The following DLG2 variants were observed in gnomAD, a reference collection of about 807,000 sequenced individuals.
DLG2 encodes disks large homolog 2.
In DLG2, 45 loss-of-function variants were observed where a neutral mutation model predicts 132.5. The observed-to-expected ratio is 0.34, with a 90% CI of 0.27 to 0.44. The LOEUF (loss-of-function observed/expected upper bound fraction) is 0.44. Ranked by LOEUF, DLG2 falls within the 20% of genes least tolerant of loss-of-function variation. DLG2 has a pLI of 1.00. For synonymous variants in DLG2, 424 were observed against 419.6 expected, an observed-to-expected ratio of 1.01 and a Z score of -0.13; for missense variants, 1,045 against 1,196.9, an observed-to-expected ratio of 0.87 and a Z score of 1.87.
intron 7 of DLG2, among the ~76,000 whole-genome samples, chr11:84,375,831 C>A (rs2098726899): frequency 1.3e-5 from 2 of 152,018 alleles, no homozygotes; most frequent in Non-Finnish European, 2.9e-5. Flanking sequence ...ATCATACATA[C>A]TTTGTAAGCA....
intron 6 of DLG2, among the ~76,000 whole-genome samples, chr11:84,580,992 C>A (rs2099515022): frequency 6.6e-6 from 1 of 152,122 alleles, no homozygotes; most frequent in African/African-American, 2.4e-5. Context: ...GTGCTAACAC[C>A]AGTTAATGAA....
In DLG2 at chr11:84,349,393, C is replaced by G. The variant is rs373848050; in HGVS notation, c.520-98102G>C. Among the ~76,000 whole-genome samples the G allele has an allele frequency of 1.9e-4, 29 of 152,180 alleles. No homozygotes were observed. In the East Asian group the frequency reaches 3.3e-3, roughly 17 times the overall value. ...ATGAAGTTCTGCAACTTTGTAAGGTCTGGGGTTTGAAAATGGCATCCTTTC... is the reference window on the plus strand; with the variant it reads ...ATGAAGTTCTGCAACTTTGTAAGGTGTGGGGTTTGAAAATGGCATCCTTTC... On this transcript the variant is annotated intron_variant, in intron 7 of 27. Coordinates refer to ENST00000376104, the MANE Select transcript of DLG2 (RefSeq NM_001142699.3).
intron 6 of DLG2, among the ~76,000 whole-genome samples, chr11:85,079,387 C>T (rs540167934): frequency 1.3e-5 from 2 of 152,096 alleles, no homozygotes; most frequent in South Asian, 2.1e-4. Flanking sequence ...TGTGGACAAC[C>T]CATTCCCATC....
chr11:85,334,726 G>A (rs938712297), intron 3 of DLG2, among the ~76,000 whole-genome samples: 12 of 151,938 alleles, frequency 7.9e-5, no homozygotes, highest in African/African-American at 4.8e-5. Context: ...CCATATAATT[G>A]TATTGTTTTG....
At chr11:84,037,786 T>C (rs1158705861) in intron 11 of DLG2, among the ~76,000 whole-genome samples, 1 of 152,122 alleles carries the variant, frequency 6.6e-6, no homozygotes, top group Non-Finnish European at 1.5e-5. Context: ...TCTCCATGCA[T>C]TTTTAACATT....
intron 18 of DLG2, among the ~76,000 whole-genome samples, chr11:83,738,035 G>A (rs1433783911): frequency 6.6e-6 from 1 of 152,160 alleles, no homozygotes; most frequent in Non-Finnish European, 1.5e-5. Context: ...ATTAAGAGAT[G>A]AGAGGATGGC....
At chr11:84,795,416 G>A (rs1304336270) in intron 6 of DLG2, among the ~76,000 whole-genome samples, 3 of 151,496 alleles carry the variant, frequency 2.0e-5, no homozygotes, top group African/African-American at 7.3e-5. Flanking sequence ...GTCTGTGGAG[G>A]GGAGCTACCC....
chr11:85,378,635 G>T (rs2152927316), intron 3 of DLG2, among the ~76,000 whole-genome samples: 1 of 152,080 alleles, frequency 6.6e-6, no homozygotes, highest in East Asian at 1.9e-4. Flanking sequence ...TTTTATACAA[G>T]AAAAACTACT....
At chr11:84,308,027 T>C (rs1050118147) in intron 7 of DLG2, among the ~76,000 whole-genome samples, 2 of 152,134 alleles carry the variant, frequency 1.3e-5, no homozygotes, top group Admixed American at 1.3e-4. Flanking sequence ...AGCAGCAAGA[T>C]TTATTGCAAA....
At chr11:83,733,031 C>A (rs897280066) in intron 18 of DLG2, among the ~76,000 whole-genome samples, 2 of 151,984 alleles carry the variant, frequency 1.3e-5, no homozygotes, top group Admixed American at 6.6e-5. Context: ...CACTTGAGGT[C>A]AGGAGTTCGA....
At chr11:84,512,993 G>A (rs2154514463) in intron 7 of DLG2, among the ~76,000 whole-genome samples, 1 of 152,100 alleles carries the variant, frequency 6.6e-6, no homozygotes, top group Middle Eastern at 3.4e-3. Context: ...GTTGGGGTTG[G>A]GGGACTAGGG....
chr11:85,596,414 G>A (rs1469678408), intron 3 of DLG2, among the ~76,000 whole-genome samples: 1 of 151,982 alleles, frequency 6.6e-6, no homozygotes, highest in Middle Eastern at 3.2e-3. Context: ...AAATAAAATA[G>A]AGTGATGATT....
chr11:83,713,729 T>C (rs528660474), intron 18 of DLG2, among the ~76,000 whole-genome samples: 1 of 152,338 alleles, frequency 6.6e-6, no homozygotes, highest in South Asian at 2.1e-4. Context: ...AAAAGTACTT[T>C]AGAAAACTCT....
chr11:85,184,475 G>T (rs2079949054), intron 4 of DLG2, among the ~76,000 whole-genome samples: 1 of 151,654 alleles, frequency 6.6e-6, no homozygotes, highest in South Asian at 2.1e-4. Context: ...AACCAGTAAT[G>T]GCAGCTTTTG....
intron 6 of DLG2, among the ~76,000 whole-genome samples, chr11:84,614,605 C>G (rs910746185): frequency 1.3e-5 from 2 of 152,138 alleles, no homozygotes; most frequent in Non-Finnish European, 2.9e-5. Flanking sequence ...GACCAGTTGT[C>G]TTGGAGTCAG....
chr11:84,027,458 C>G lies in DLG2; in HGVS notation c.919+31857G>C, dbSNP rs941518822. 2.0e-5 allele frequency among the ~76,000 whole-genome samples: 3 copies of G among 151,646 alleles called. No individual in the cohort carries two copies. In the East Asian group the frequency reaches 5.8e-4, roughly 29 times the overall value. On this transcript the variant is annotated intron_variant, in intron 11 of 27. Coordinates refer to ENST00000376104, the MANE Select transcript of DLG2 (RefSeq NM_001142699.3). ...AATATACAATGATCAAAACATGAAG[C>G]CTCTTGAAGAAAATTTGAGACAAAT...
chr11:85,615,804 A>G (rs2081293865), intron 2 of DLG2, among the ~76,000 whole-genome samples: 1 of 152,080 alleles, frequency 6.6e-6, no homozygotes, highest in Non-Finnish European at 1.5e-5. Context: ...GATCAAATGC[A>G]TCATTGCCAT....
At chr11:84,390,090 G>A (rs920248888) in intron 7 of DLG2, among the ~76,000 whole-genome samples, 7 of 152,064 alleles carry the variant, frequency 4.6e-5, no homozygotes, top group African/African-American at 1.7e-4. Context: ...ATCCATCCCA[G>A]TTACAAAGGA....
chr11:84,151,182 T>C (rs1447992254), intron 9 of DLG2, among the ~76,000 whole-genome samples: 1 of 151,804 alleles, frequency 6.6e-6, no homozygotes. Flanking sequence ...TCAGTGAAAC[T>C]GGTTTCAGTA....
Sources: gnomAD v4.1 joint callset for allele counts (sites outside exome capture counted in the v4.1 genomes callset) on GRCh38, gnomAD v4.1.1 for gene constraint, MANE v1.5 for transcripts, NCBI Gene and HGNC (gene_info 2026-07-23, HGNC 2026-07-21) for gene names.